DRAM2: variants seen among roughly 807,000 people sequenced by gnomAD.
DRAM2 encodes the protein DNA damage-regulated autophagy modulator protein 2.
DRAM2 carries 26 observed loss-of-function variants against 33.5 expected under a neutral mutation model. The ratio of observed to expected loss-of-function variants is 0.78; its 90% CI spans 0.57 to 1.08. DRAM2 has a LOEUF of 1.08. DRAM2 is among the 50% of genes least tolerant of loss of function. DRAM2 has a pLI of 0.00. For missense variants in DRAM2, 311 were observed against 318.1 expected, an observed-to-expected ratio of 0.98 and a Z score of 0.17; for synonymous variants, 98 against 109.5, an observed-to-expected ratio of 0.89 and a Z score of 0.66.
At chr1:111,137,027 G>A (rs1653337675) in intron 3 of DRAM2, among the ~76,000 whole-genome samples, 1 of 150,784 alleles carries the variant, frequency 6.6e-6, no homozygotes, top group Admixed American at 6.6e-5. Flanking sequence ...GTCGAGGCAG[G>A]CGGATCACGA....
chr1:111,118,826 C>T lies in DRAM2; in HGVS notation c.672G>A (p.Leu224=). ...TTACCTGAAAATCACGAATGTAAGT[C>T]AGGAAAAAACCAAAGAAGGAAAATG... ...SMSFSFFGFF[L]TYIRDFQKIS... is the part of the protein sequence containing the mutation. Residue 224 remains leucine (L), a synonymous_variant, in exon 9 of 10, where the codon CTG becomes CTA. Coordinates refer to ENST00000484310, the MANE Select transcript of DRAM2 (RefSeq NM_001349884.2). 1 of 1,608,460 alleles carries T rather than the reference C, an allele frequency of 6.2e-7. No individual in the cohort carries two copies. Among genetic ancestry groups the T allele is most frequent in the Non-Finnish European group, 8.5e-7 (1 of 1,176,750 alleles).
intron 3 of DRAM2, among the ~76,000 whole-genome samples, chr1:111,135,555 A>G (rs1652989307): frequency 6.6e-6 from 1 of 152,232 alleles, no homozygotes; most frequent in Non-Finnish European, 1.5e-5. Flanking sequence ...TATTGGTAAA[A>G]GAGATTTTCA....
At chr1:111,124,698 T>A (rs1571029780) in intron 6 of DRAM2, 44 bp downstream of exon 6, 1 of 1,600,996 alleles carries the variant, frequency 6.2e-7, no homozygotes, top group Non-Finnish European at 8.5e-7. Context: ...ATATATATAT[T>A]TATGTACTTA....
At chr1:111,131,317 C>A in intron 4 of DRAM2, 107 bp downstream of exon 4, 1 of 1,223,400 alleles carries the variant, frequency 8.2e-7, no homozygotes, top group South Asian at 1.7e-5. Flanking sequence ...GTTGTAATGC[C>A]AATGTAAAAT....
chr1:111,128,125 T>A (rs1220260280), intron 4 of DRAM2: 1 of 150,076 alleles, frequency 6.7e-6, no homozygotes, highest in East Asian at 1.9e-4. Flanking sequence ...TAAACCATTT[T>A]CTTCGTTTCT....
At chr1:111,124,663 C>T in intron 6 of DRAM2, 79 bp downstream of exon 6, 3 of 1,470,946 alleles carry the variant, frequency 2.0e-6, no homozygotes, top group African/African-American at 2.8e-5. Flanking sequence ...CAGCATGTAA[C>T]TGAATGCTTC....
Position 111,120,521 on chromosome 1 carries a change from A to G in DRAM2, c.512T>C (p.Leu171Pro). 1 of 1,601,354 alleles carries G rather than the reference A, an allele frequency of 6.2e-7. No individual in the cohort carries two copies. Among genetic ancestry groups the G allele is most frequent in the Non-Finnish European group, 8.5e-7 (1 of 1,174,032 alleles). Residue 171 changes from leucine (L) to proline (P), a missense_variant, in exon 7 of 10, where the codon CTT becomes CCT. By Grantham distance (98) the Leu-to-Pro change is moderately conservative (BLOSUM62 -3). Transcript: ENST00000484310. ...LLVIWCGVSA[L>P]SMLTCSSVLH... The stretch of plus-strand genomic sequence containing the variant: ...CATTGTACAGTGAAGGATACTGCTA[A>G]GTGCACTTACTCCACACCAGATAAC...
At chr1:111,130,475 G>A (rs1651830453) in intron 4 of DRAM2, among the ~76,000 whole-genome samples, 1 of 152,220 alleles carries the variant, frequency 6.6e-6, no homozygotes, top group Admixed American at 6.5e-5. Flanking sequence ...GGAGGCCAAG[G>A]CGGGCAGATC....
At chr1:111,138,400 A>G (rs899242687) in intron 2 of DRAM2, among the ~76,000 whole-genome samples, 13 of 152,282 alleles carry the variant, frequency 8.5e-5, no homozygotes, top group Non-Finnish European at 1.5e-4. Context: ...CAACAAAATT[A>G]GAATTTCAAT....
In DRAM2 at chr1:111,124,838, CA is replaced by C. The variant is rs1358294380; in HGVS notation, c.242del (p.Leu81ArgfsTer11). 1.9e-6 allele frequency: 3 copies of C among 1,613,216 alleles called. No individual in the cohort carries two copies. The highest frequency in any genetic ancestry group is 2.5e-6 in the Non-Finnish European group (3 of 1,179,654). On this transcript the variant is annotated frameshift_variant, in exon 6 of 10. Transcript: ENST00000484310. LOFTEE classifies it high-confidence loss of function. Reference sequence around the variant, plus strand: ...TGATGATAACGTTCTCTTCAGGACTCAGAGCATGAACTTGCTTATAACGAAC... The same window carrying C: ...TGATGATAACGTTCTCTTCAGGACTCGAGCATGAACTTGCTTATAACGAAC... ...IYVRYKQVHA[L>X]SPEENVIIKL... is the part of the protein sequence containing the mutation.
At chr1:111,131,777 TTTC>T (rs1185447678) in intron 3 of DRAM2, among the ~76,000 whole-genome samples, 1 of 152,220 alleles carries the variant, frequency 6.6e-6, no homozygotes, top group East Asian at 1.9e-4. Context: ...AGAAACTTGC[TTTC>T]TTGTCCCATC....
intron 4 of DRAM2, 66 bp downstream of exon 4, chr1:111,131,358 G>T: frequency 7.0e-7 from 1 of 1,437,802 alleles, no homozygotes; most frequent in South Asian, 1.4e-5. Flanking sequence ...ATTAAATGTT[G>T]ACTTCAATGT....
At chr1:111,127,725 T>C (rs1206774141) in intron 4 of DRAM2, among the ~76,000 whole-genome samples, 1 of 152,146 alleles carries the variant, frequency 6.6e-6, no homozygotes, top group Non-Finnish European at 1.5e-5. Flanking sequence ...GGCATGCATT[T>C]CCAAGATGGT....
At chr1:111,118,353 A>T (rs1186960419) in intron 9 of DRAM2, 86 bp from the exon 10 acceptor site, 1 of 846,196 alleles carries the variant, frequency 1.2e-6, no homozygotes, top group Non-Finnish European at 1.9e-6. Context: ...CTACCTTGTG[A>T]TTATGAATGT....
chr1:111,122,386 G>A (rs200347555), intron 6 of DRAM2, among the ~76,000 whole-genome samples: 1 of 114,014 alleles, frequency 8.8e-6, no homozygotes, highest in Non-Finnish European at 1.9e-5. Flanking sequence ...AAGGAGGGAA[G>A]TAAAGACAGA....
chr1:111,124,665 G>A, intron 6 of DRAM2, 77 bp downstream of exon 6: 1 of 1,477,688 alleles, frequency 6.8e-7, no homozygotes, highest in Non-Finnish European at 9.2e-7. Flanking sequence ...GCATGTAACT[G>A]AATGCTTCAG....
At chr1:111,137,031 A>T (rs1041624870) in intron 3 of DRAM2, among the ~76,000 whole-genome samples, 1 of 151,798 alleles carries the variant, frequency 6.6e-6, no homozygotes, top group Non-Finnish European at 1.5e-5. Flanking sequence ...AGGCAGGCGG[A>T]TCACGAGGTC....
intron 6 of DRAM2, among the ~76,000 whole-genome samples, chr1:111,122,106 T>A (rs952774645): frequency 1.1e-4 from 17 of 152,044 alleles, no homozygotes; most frequent in Middle Eastern, 6.3e-3. Context: ...GATCTTTGAG[T>A]TAGTTAGGCA....
intron 9 of DRAM2, 70 bp downstream of exon 9, chr1:111,118,733 TTC>T: frequency 8.4e-7 from 1 of 1,186,132 alleles, no homozygotes; most frequent in South Asian, 1.5e-5. Flanking sequence ...CTATGGAAAG[TTC>T]TCTTAGTCTA....
Sources: gnomAD v4.1 joint callset for allele counts (sites outside exome capture counted in the v4.1 genomes callset) on GRCh38, gnomAD v4.1.1 for gene constraint, MANE v1.5 for transcripts, NCBI Gene and HGNC (gene_info 2026-07-23, HGNC 2026-07-21) for gene names.